Variants in ATP13A3 observed in about 807,000 individuals in gnomAD.
The protein encoded by ATP13A3 is ATPase 13A3.
ATP13A3 carries 59 observed loss-of-function variants against 158.1 expected under a neutral mutation model. The observed-to-expected ratio is 0.37, with a 90% confidence interval of 0.30 to 0.46. ATP13A3 has a LOEUF of 0.46. Among genes scored for constraint, ATP13A3 ranks in the 20% least tolerant of loss-of-function variants. The pLI, the probability that ATP13A3 is intolerant of heterozygous loss-of-function variation, is 1.00. For synonymous variants in ATP13A3, 491 were observed against 504.3 expected (o/e 0.97, Z 0.35); for missense variants, 1,166 against 1,525.2 (o/e 0.76, Z 3.92).
At chr3:194,473,507 G>A (rs1720399297) in intron 2 of ATP13A3, among the ~76,000 whole-genome samples, 1 of 149,874 alleles carries the variant, frequency 6.7e-6, no homozygotes, top group African/African-American at 2.5e-5. Context: ...AACCTGACAA[G>A]GAGCAACCTT....
chr3:194,439,938 T>C (rs1005077552), intron 16 of ATP13A3, among the ~76,000 whole-genome samples: 4 of 152,208 alleles, frequency 2.6e-5, no homozygotes, highest in African/African-American at 9.6e-5. Context: ...ATTCTCTCTA[T>C]AAATGAAGTG....
At position 194,486,688 on chromosome 3, in the gene ATP13A3, A is replaced by AGCCCC. The variant is rs1720995522; in HGVS notation, c.-216_-212dup. The AGCCCC allele has an allele frequency of 6.7e-6, 1 of 148,756 alleles. No individual in the cohort carries two copies. The highest frequency in any genetic ancestry group is 1.5e-5 in the Non-Finnish European group (1 of 66,616). The allele number at this position is 148,756 out of a possible 1,614,324, so 9.2% of individuals were successfully genotyped here. ...CGCCGCCGCCGCCTCGCCTCAGCCC[A>AGCCCC]GCCCCATCGCCCTCGGCCGGCGCCG... is the stretch of plus-strand genomic sequence containing the variant. On this transcript the variant is annotated 5_prime_UTR_variant, in exon 1 of 34. An upstream open reading frame in the 5' UTR loses its in-frame stop. Transcript: ENST00000645319.
At chr3:194,427,442 C>T (rs115154792) in intron 28 of ATP13A3, among the ~76,000 whole-genome samples, 190 bp from the exon 29 acceptor site, 2,730 of 151,932 alleles carry the variant, frequency 0.018, 86 homozygotes, top group African/African-American at 0.063. Context: ...ACAGTGTAGG[C>T]TTTTTGAAAA....
At chr3:194,456,371 T>C (rs1478365197) in intron 7 of ATP13A3, among the ~76,000 whole-genome samples, 1 of 152,112 alleles carries the variant, frequency 6.6e-6, no homozygotes, top group Non-Finnish European at 1.5e-5. Flanking sequence ...GTTCAAAACA[T>C]TGTACATTCG....
intron 10 of ATP13A3, chr3:194,452,834 G>A (rs1167358563): frequency 2.0e-5 from 3 of 152,098 alleles, no homozygotes; most frequent in Admixed American, 2.0e-4. Context: ...TACATAAGTT[G>A]GCTGACTTCT....
intron 33 of ATP13A3, among the ~76,000 whole-genome samples, chr3:194,411,729 C>G (rs2108727412): frequency 6.6e-6 from 1 of 152,306 alleles, no homozygotes; most frequent in East Asian, 1.9e-4. Flanking sequence ...GGGACAGTAA[C>G]TGACAAGAAA....
chr3:194,418,742 G>C (rs1016635297), intron 31 of ATP13A3, among the ~76,000 whole-genome samples: 1 of 152,206 alleles, frequency 6.6e-6, no homozygotes, highest in Non-Finnish European at 1.5e-5. Flanking sequence ...GGTAGCTGAA[G>C]AGTACATGCT....
intron 30 of ATP13A3, among the ~76,000 whole-genome samples, chr3:194,422,670 T>C (rs955286030): frequency 2.6e-5 from 4 of 152,142 alleles, no homozygotes; most frequent in African/African-American, 9.7e-5. Flanking sequence ...ATGCCACCGA[T>C]GGACTATGGT....
At chr3:194,409,223 T>C (rs748423869) in intron 33 of ATP13A3, among the ~76,000 whole-genome samples, 1 of 152,198 alleles carries the variant, frequency 6.6e-6, no homozygotes, top group Non-Finnish European at 1.5e-5. Context: ...TAAAACAGAA[T>C]GCCATGCTTG....
At chr3:194,480,375 C>A (rs2109058658) in intron 2 of ATP13A3, among the ~76,000 whole-genome samples, 1 of 152,276 alleles carries the variant, frequency 6.6e-6, no homozygotes, top group Non-Finnish European at 1.5e-5. Context: ...TTTTTACATA[C>A]TCATGTTTTC....
rs879210215 is a variant in ATP13A3, at chr3:194,437,075, G to A, written c.2120+20C>T. 3.1e-6 allele frequency: 5 copies of A among 1,609,478 alleles called. No individual in the cohort carries two copies. The East Asian group carries it at 6.7e-5, about 22-fold the overall frequency. On this transcript the variant is annotated intron_variant, in intron 20 of 33. Coordinates refer to ENST00000645319, the MANE Select transcript of ATP13A3 (RefSeq NM_001367549.1). ...ATAAATGATGATGACTGGGAAACTA[G>A]GAAAGCCGTTCAACCTCACCTGCTA...
Position 194,412,267 on chromosome 3 carries a change from G to A in ATP13A3, c.3505C>T (p.Leu1169Phe). 1.3e-6 allele frequency: 2 copies of A among 1,536,296 alleles called. No individual in the cohort carries two copies. Among genetic ancestry groups the A allele is most frequent in the African/African-American group, 2.7e-5 (2 of 73,106 alleles). The change falls in exon 33 of 34, where the codon CTT (leucine) becomes TTT (phenylalanine). Residue 1169 changes from leucine (L) to phenylalanine (F), a missense_variant. By Grantham distance (22) the Leu-to-Phe change is conservative. Around this residue, in one of 3 missense-constraint regions of ATP13A3, gnomAD observed 997 missense variants for 1,341.2 expected, o/e 0.74. Transcript: ENST00000645319. ...TCTCGGTTGAACACAACTTTCCAAA[G>A]GACCATGTCAAGGAAGAAGTTCTGA... ...TVENFFLDMV[L>F]WKVVFNRDKQ...
chr3:194,439,065 C>T (rs1202041818), intron 16 of ATP13A3, 93 bp from the exon 17 acceptor site: 6 of 698,822 alleles, frequency 8.6e-6, no homozygotes, highest in East Asian at 2.9e-5. Flanking sequence ...TTAAATAGAA[C>T]ATTATGGCCA....
intron 3 of ATP13A3, among the ~76,000 whole-genome samples, chr3:194,461,051 T>C (rs1218140279): frequency 6.6e-6 from 1 of 152,214 alleles, no homozygotes; most frequent in Non-Finnish European, 1.5e-5. Flanking sequence ...CACTTTGATT[T>C]TATATTTAAT....
At chr3:194,430,397 G>T in intron 24 of ATP13A3, 82 bp from the exon 25 acceptor site, 1 of 1,409,144 alleles carries the variant, frequency 7.1e-7, no homozygotes, top group Non-Finnish European at 9.8e-7. Flanking sequence ...TTCTATTACA[G>T]TATTATAAAG....
In ATP13A3 at chr3:194,403,692, A is replaced by G. The variant is rs11900; in HGVS notation, c.*2227T>C. ...AGAATCAAAATTACTATGTAATGGT[A>G]ACCTACGAGAGAAGACTCAGTCTAT... On this transcript the variant is annotated 3_prime_UTR_variant, in exon 34 of 34. Coordinates refer to ENST00000645319, the MANE Select transcript of ATP13A3 (RefSeq NM_001367549.1). 49,629 of 154,032 alleles carry G rather than the reference A, an allele frequency of 0.32. 9,782 individuals carry two copies. The highest frequency in any genetic ancestry group is 0.56 in the African/African-American group (23,299 of 41,448). The allele number at this position is 154,032 out of a possible 1,614,324, so 9.5% of individuals were successfully genotyped here. A position where few individuals can be genotyped will look rare whatever the true frequency, so the allele number is the denominator to read the frequency against.
rs759451392 is a variant in ATP13A3 at position 194,431,231 on chromosome 3, G to A, written c.2422-5C>T. 7 of 1,592,520 alleles carry A rather than the reference G, an allele frequency of 4.4e-6. No individual in the cohort carries two copies. The highest frequency in any genetic ancestry group is 5.2e-6 in the Non-Finnish European group (6 of 1,164,508). ...GACCAATTTAACCGGAATAGCCTGT[G>A]TATATGAGACATTGGGAACAATATT... On this transcript the variant is annotated splice_polypyrimidine_tract_variant and splice_region_variant and intron_variant, in intron 22 of 33. Coordinates refer to ENST00000645319, the MANE Select transcript of ATP13A3 (RefSeq NM_001367549.1).
chr3:194,413,168 T>A (rs572192889), intron 32 of ATP13A3: 1 of 152,486 alleles, frequency 6.6e-6, no homozygotes, highest in Admixed American at 6.5e-5. Context: ...CTAAAGGCAA[T>A]CCTAACGGGA....
At chr3:194,468,392 A>AAAAAAAAAC (rs1720124374) in intron 2 of ATP13A3, among the ~76,000 whole-genome samples, 1 of 149,570 alleles carries the variant, frequency 6.7e-6, no homozygotes, top group African/African-American at 2.6e-5. Context: ...AGTTTAAAAA[A>AAAAAAAAAC]AAAAAAAAAA....
Sources: gnomAD v4.1 joint callset for allele counts (sites outside exome capture counted in the v4.1 genomes callset) on GRCh38, gnomAD v4.1.1 for gene constraint, gnomAD v4.1.1 regional missense constraint, MANE v1.5 for transcripts, NCBI Gene and HGNC (gene_info 2026-07-23, HGNC 2026-07-21) for gene names.